DNAJC1: variants seen among roughly 807,000 people sequenced by gnomAD.
The protein encoded by DNAJC1 is DnaJ heat shock protein family (Hsp40) member C1.
In DNAJC1, 58 loss-of-function variants were observed where a neutral mutation model predicts 76.6. The ratio of observed to expected loss-of-function variants is 0.76; its 90% confidence interval spans 0.61 to 0.94. The LOEUF (loss-of-function observed/expected upper bound fraction) is 0.94. DNAJC1 is among the 40% of genes least tolerant of loss of function. The pLI is 0.00. For missense variants in DNAJC1, 689 were observed against 677.3 expected (o/e 1.02, Z -0.19); for synonymous variants, 258 against 267.9 (o/e 0.96, Z 0.36).
At chr10:21,939,703 T>C (rs1043233306) in intron 1 of DNAJC1, among the ~76,000 whole-genome samples, 1 of 152,108 alleles carries the variant, frequency 6.6e-6, no homozygotes, top group African/African-American at 2.4e-5. Flanking sequence ...TCCATGATGC[T>C]GGAACAACTA....
chr10:21,822,468 A>G (rs1835176185), intron 8 of DNAJC1, among the ~76,000 whole-genome samples: 1 of 150,894 alleles, frequency 6.6e-6, no homozygotes, highest in South Asian at 2.1e-4. Context: ...TAAATGAATA[A>G]TAAAATAAAT....
In DNAJC1 at chr10:21,918,844, A is replaced by G. The variant is rs375432713; in HGVS notation, c.664T>C (p.Leu222=). 5.0e-6 allele frequency: 8 copies of G among 1,613,208 alleles called. No individual in the cohort carries two copies. The highest frequency in any genetic ancestry group is 6.8e-6 in the Non-Finnish European group (8 of 1,179,416). Residue 222 remains leucine, a synonymous_variant, in exon 6 of 12, where the codon TTG becomes CTG. Transcript: ENST00000376980. ...RLLMKPQWHD[L]LPCKLGIWFC... ...CAAATCCCCAGTTTGCATGGAAGCA[A>G]ATCATGCCACTGTGGTTTCATCAGC...
intron 6 of DNAJC1, among the ~76,000 whole-genome samples, chr10:21,913,785 G>A (rs550889182): frequency 2.0e-5 from 3 of 152,210 alleles, no homozygotes; most frequent in South Asian, 2.1e-4. Context: ...AAAGTGTCAC[G>A]GGAGCTATAT....
chr10:21,966,680 TC>T (rs1837895124), intron 1 of DNAJC1, among the ~76,000 whole-genome samples: 1 of 122,454 alleles, frequency 8.2e-6, no homozygotes, highest in African/African-American at 3.4e-5. Flanking sequence ...ACCTCTTTCT[TC>T]TTCTTCTTTT....
At chr10:21,938,683 G>T (rs1042108502) in intron 1 of DNAJC1, among the ~76,000 whole-genome samples, 1 of 152,172 alleles carries the variant, frequency 6.6e-6, no homozygotes, top group Non-Finnish European at 1.5e-5. Context: ...CCCAAGGACT[G>T]TAGTTTGCTG....
intron 8 of DNAJC1, among the ~76,000 whole-genome samples, chr10:21,846,128 A>G (rs1260091347): frequency 6.6e-6 from 1 of 152,200 alleles, no homozygotes; most frequent in Non-Finnish European, 1.5e-5. Context: ...GCATCAGTAA[A>G]TGGGAAATAA....
chr10:21,756,707 T>TAA lies in DNAJC1; in HGVS notation c.1644_1645insTT (p.Lys549LeufsTer13). The TAA allele has an allele frequency of 6.2e-7, 1 of 1,613,672 alleles. No homozygotes were observed. The highest frequency in any genetic ancestry group is 1.1e-5 in the South Asian group (1 of 91,074). On this transcript the variant is annotated frameshift_variant, in exon 12 of 12. Transcript: ENST00000376980. LOFTEE classifies it high-confidence loss of function. ...AATATTCAGCTTTTAGCTTGTTTTT[T>TAA]CTTTTGGACCAGTTCAACCAGCAAC... is the stretch of plus-strand genomic sequence containing the variant.
chr10:21,805,048 T>C (rs1373339999), intron 9 of DNAJC1, among the ~76,000 whole-genome samples: 4 of 152,092 alleles, frequency 2.6e-5, no homozygotes, highest in Non-Finnish European at 5.9e-5. Flanking sequence ...TATAAGCTCC[T>C]TTTGGTAGCC....
At chr10:21,836,339 A>T (rs1835453042) in intron 8 of DNAJC1, among the ~76,000 whole-genome samples, 1 of 152,236 alleles carries the variant, frequency 6.6e-6, no homozygotes, top group Non-Finnish European at 1.5e-5. Flanking sequence ...CTAAACATGG[A>T]AAGGAACAAC....
chr10:21,811,121 G>C (rs1161020120), intron 8 of DNAJC1, among the ~76,000 whole-genome samples: 1 of 152,166 alleles, frequency 6.6e-6, no homozygotes, highest in East Asian at 1.9e-4. Context: ...AGATTCCTTT[G>C]ATACACTCAC....
chr10:21,965,266 A>C (rs1401490251), intron 1 of DNAJC1, among the ~76,000 whole-genome samples: 1 of 152,090 alleles, frequency 6.6e-6, no homozygotes, highest in Non-Finnish European at 1.5e-5. Context: ...TGTCTAGTCT[A>C]TTTTGTATTT....
At chr10:21,806,188 T>A (rs897800888) in intron 8 of DNAJC1, 89 bp from the exon 9 acceptor site, 1 of 1,418,658 alleles carries the variant, frequency 7.0e-7, no homozygotes, top group Non-Finnish European at 9.5e-7. Context: ...TGAGAGATAA[T>A]TGCTGTGAAG....
At chr10:21,832,010 A>C (rs1043360056) in intron 8 of DNAJC1, among the ~76,000 whole-genome samples, 2 of 152,190 alleles carry the variant, frequency 1.3e-5, no homozygotes, top group African/African-American at 4.8e-5. Context: ...AAGAAAATTT[A>C]GAATTGACAT....
intron 9 of DNAJC1, among the ~76,000 whole-genome samples, chr10:21,785,042 AAATAT>A (rs1247518171): frequency 6.6e-6 from 1 of 152,224 alleles, no homozygotes; most frequent in African/African-American, 2.4e-5. Flanking sequence ...CTAGAACTTA[AAATAT>A]AATAATAAAA....
chr10:21,848,699 C>T (rs1183164132), intron 8 of DNAJC1, among the ~76,000 whole-genome samples: 1 of 152,176 alleles, frequency 6.6e-6, no homozygotes, highest in East Asian at 1.9e-4. Context: ...CTCCAGTGCA[C>T]ATGGAACATT....
intron 9 of DNAJC1, among the ~76,000 whole-genome samples, chr10:21,792,136 T>C (rs375450629): frequency 1.2e-4 from 18 of 152,244 alleles, no homozygotes; most frequent in East Asian, 9.7e-4. Context: ...AATGAATAAA[T>C]CCCTAGAAAT....
At chr10:21,857,856 A>G (rs1051311396) in intron 8 of DNAJC1, among the ~76,000 whole-genome samples, 1 of 151,906 alleles carries the variant, frequency 6.6e-6, no homozygotes, top group Non-Finnish European at 1.5e-5. Flanking sequence ...CTCCGTCTCA[A>G]AAAAACAAAC....
At chr10:21,938,356 A>G (rs1216111331) in intron 1 of DNAJC1, among the ~76,000 whole-genome samples, 4 of 152,124 alleles carry the variant, frequency 2.6e-5, no homozygotes, top group Admixed American at 6.5e-5. Flanking sequence ...TAAAAAAAAA[A>G]AAGAAGAAGA....
At chr10:21,773,135 A>G (rs1050239109) in intron 9 of DNAJC1, among the ~76,000 whole-genome samples, 6 of 152,272 alleles carry the variant, frequency 3.9e-5, no homozygotes, top group South Asian at 2.1e-4. Context: ...GATCCAAACC[A>G]TATCACTGCC....
Sources: gnomAD v4.1 joint callset for allele counts (sites outside exome capture counted in the v4.1 genomes callset) on GRCh38, gnomAD v4.1.1 for gene constraint, MANE v1.5 for transcripts, NCBI Gene and HGNC (gene_info 2026-07-23, HGNC 2026-07-21) for gene names.